DHRS9: variants seen among roughly 807,000 people sequenced by gnomAD.
DHRS9 encodes dehydrogenase/reductase 9.
A neutral mutation model predicts 26.6 loss-of-function variants in DHRS9; 18 were observed. That is an observed-to-expected ratio of 0.68 (90% CI 0.47 to 1.00). The LOEUF (loss-of-function observed/expected upper bound fraction) is 1.00. Among genes scored for constraint, DHRS9 ranks in the 50% least tolerant of loss-of-function variants. DHRS9 has a pLI of 0.00. For missense variants in DHRS9, 425 were observed against 378.7 expected, an observed-to-expected ratio of 1.12 and a Z score of -1.01; for synonymous variants, 134 against 141.1, an observed-to-expected ratio of 0.95 and a Z score of 0.36.
chr2:169,090,323 G>A lies in DHRS9; in HGVS notation c.573-1467G>A, dbSNP rs140993244. Among the ~76,000 whole-genome samples, 606 of 152,292 alleles carry A rather than the reference G, an allele frequency of 4.0e-3. 2 individuals are homozygous for A. The highest frequency in any genetic ancestry group is 0.013 in the African/African-American group (545 of 41,562). The stretch of plus-strand genomic sequence containing the variant: ...GCGTAAGGCCACTTGTCCCTAGTAC[G>A]TTATTTTTATGAGTGGGTGGGGAGA... On this transcript the variant is annotated intron_variant, in intron 3 of 4. Transcript: ENST00000674881.
chr2:169,074,109 T>C (rs561444442), intron 1 of DHRS9: 3 of 210,438 alleles, frequency 1.4e-5, no homozygotes, highest in African/African-American at 7.1e-5. Flanking sequence ...AATGCCTAAA[T>C]ATGAGCAATA....
chr2:169,095,610 T>C lies in DHRS9; in HGVS notation c.803T>C (p.Met268Thr), dbSNP rs1246483997. ...NMDLSPVVEC[M>T]DHALTSLFPK... ...GACCTCTCTCCGGTGGTAGAGTGCA[T>C]GGACCACGCTCTAACAAGTCTCTTC... is the stretch of plus-strand genomic sequence containing the variant. Residue 268 changes from methionine to threonine, a missense_variant, in exon 5 of 5, where the codon ATG (methionine) becomes ACG (threonine). Met to Thr is a moderately conservative substitution (Grantham distance 81). Transcript: ENST00000674881. The C allele has an allele frequency of 1.2e-6, 2 of 1,613,806 alleles. No individual in the cohort carries two copies. Among genetic ancestry groups the C allele is most frequent in the Admixed American group, 1.7e-5 (1 of 59,972 alleles).
intron 1 of DHRS9, chr2:169,074,507 C>T (rs918756253): frequency 2.0e-5 from 19 of 943,456 alleles, no homozygotes; most frequent in East Asian, 2.3e-4. Context: ...ACCAAGGGGC[C>T]GTGCAGAGGT....
intron 1 of DHRS9, chr2:169,070,341 G>A (rs1683762313): frequency 2.0e-6 from 2 of 985,288 alleles, no homozygotes; most frequent in Non-Finnish European, 1.2e-6. Flanking sequence ...TGATCCGGTG[G>A]TTTGGTTTTT....
At chr2:169,070,128 A>G in intron 1 of DHRS9, 2 of 985,454 alleles carry the variant, frequency 2.0e-6, no homozygotes, top group Non-Finnish European at 2.4e-6. Flanking sequence ...TGTCAACTGC[A>G]GGTCTGATCT....
chr2:169,074,074 T>C (rs1683889659), intron 1 of DHRS9, among the ~76,000 whole-genome samples: 1 of 152,026 alleles, frequency 6.6e-6, no homozygotes, highest in African/African-American at 2.4e-5. Flanking sequence ...GCCCAAAATA[T>C]CAAAATTACT....
chr2:169,075,216 C>T (rs933390109), intron 1 of DHRS9, among the ~76,000 whole-genome samples: 4 of 152,078 alleles, frequency 2.6e-5, no homozygotes, highest in African/African-American at 7.2e-5. Flanking sequence ...TTTCCTTTGC[C>T]AAATTTTTAA....
At chr2:169,080,273 T>C (rs1488334970) in intron 1 of DHRS9, among the ~76,000 whole-genome samples, 3 of 152,112 alleles carry the variant, frequency 2.0e-5, no homozygotes, top group Admixed American at 2.0e-4. Flanking sequence ...GCTTTTTGGG[T>C]CATGGAGGAA....
chr2:169,078,628 T>A (rs534191425), intron 1 of DHRS9, among the ~76,000 whole-genome samples: 1 of 152,150 alleles, frequency 6.6e-6, no homozygotes, highest in Non-Finnish European at 1.5e-5. Flanking sequence ...TCTTGCTACA[T>A]GGACATTGAT....
chr2:169,093,024 G>A (rs775176769), intron 4 of DHRS9, among the ~76,000 whole-genome samples: 14 of 152,120 alleles, frequency 9.2e-5, no homozygotes, highest in Non-Finnish European at 1.9e-4. Flanking sequence ...AGGCATTAAG[G>A]ACTTTGGTTA....
chr2:169,070,485 AG>A, intron 1 of DHRS9: 2 of 985,472 alleles, frequency 2.0e-6, no homozygotes, highest in Non-Finnish European at 2.4e-6. Context: ...TGTTAGACCA[AG>A]GGCACAGATT....
chr2:169,089,615 G>A (rs550315333), intron 3 of DHRS9, among the ~76,000 whole-genome samples: 50 of 152,250 alleles, frequency 3.3e-4, no homozygotes, highest in Middle Eastern at 3.4e-3. Flanking sequence ...ATGGACCTAG[G>A]TTTAGTTTAC....
chr2:169,075,245 T>C (rs1683930330), intron 1 of DHRS9, among the ~76,000 whole-genome samples: 2 of 152,210 alleles, frequency 1.3e-5, no homozygotes, highest in Admixed American at 1.3e-4. Flanking sequence ...TCTGAAATAA[T>C]TTCAGAATTA....
Position 169,091,920 on chromosome 2 carries a change from A to C in DHRS9, c.703A>C (p.Lys235Gln). The change falls in exon 4 of 5, where the codon AAA (lysine) becomes CAA (glutamine). Residue 235 changes from lysine to glutamine, a missense_variant. Lys to Gln is a moderately conservative substitution (Grantham distance 53). Coordinates refer to ENST00000674881, the MANE Select transcript of DHRS9 (RefSeq NM_001376924.1). ...AIWEQLSPDI[K>Q]QQYGEGYIEK... ...TTGGGAGCAGCTGTCTCCAGACATC[A>C]AACAACAATATGGAGAAGGTTACAT... 1 of 1,614,060 alleles carries C rather than the reference A, an allele frequency of 6.2e-7. No homozygotes were observed. Among genetic ancestry groups the C allele is most frequent in the Non-Finnish European group, 8.5e-7 (1 of 1,179,986 alleles).
Position 169,076,600 on chromosome 2 carries a change from C to G in DHRS9, c.-59-4923C>G, listed in dbSNP as rs1683969581. 2.0e-5 allele frequency among the ~76,000 whole-genome samples: 3 copies of G among 152,316 alleles called. 1 individual carries two copies. The highest frequency in any genetic ancestry group is 7.2e-5 in the African/African-American group (3 of 41,572). ...AACTATAATCCCACTCCACAGAGTT[C>G]ATTCCAGCCTCTCCTTTTTCATATT... On this transcript the variant is annotated intron_variant, in intron 1 of 4. Transcript: ENST00000674881.
chr2:169,076,946 A>C (rs1159133542), intron 1 of DHRS9, among the ~76,000 whole-genome samples: 1 of 152,262 alleles, frequency 6.6e-6, no homozygotes, highest in East Asian at 1.9e-4. Context: ...GTGGATCATC[A>C]TAATGGTCTT....
At chr2:169,086,887 G>A (rs1684368792) in intron 3 of DHRS9, among the ~76,000 whole-genome samples, 1 of 152,228 alleles carries the variant, frequency 6.6e-6, no homozygotes, top group African/African-American at 2.4e-5. Context: ...GCTGCCTAGA[G>A]CTGGTGGAAG....
At chr2:169,079,682 C>T (rs1173232387) in intron 1 of DHRS9, among the ~76,000 whole-genome samples, 2 of 151,472 alleles carry the variant, frequency 1.3e-5, no homozygotes, top group African/African-American at 4.9e-5. Flanking sequence ...GGAGAAACCC[C>T]ACCTCTACTA....
chr2:169,078,213 A>G (rs1684023151), intron 1 of DHRS9, among the ~76,000 whole-genome samples: 1 of 152,238 alleles, frequency 6.6e-6, no homozygotes, highest in South Asian at 2.1e-4. Context: ...TTGAGAGGAC[A>G]AAATGAGACC....
Sources: gnomAD v4.1 joint callset for allele counts (sites outside exome capture counted in the v4.1 genomes callset) on GRCh38, gnomAD v4.1.1 for gene constraint, MANE v1.5 for transcripts, NCBI Gene and HGNC (gene_info 2026-07-23, HGNC 2026-07-21) for gene names.